Variants in MINDY3 observed in about 807,000 individuals in gnomAD.
The protein encoded by MINDY3 is ubiquitin carboxyl-terminal hydrolase MINDY-3.
A neutral mutation model predicts 69.2 loss-of-function variants in MINDY3; 38 were observed. The observed-to-expected ratio is 0.55, with a 90% CI of 0.42 to 0.72. MINDY3 has a LOEUF of 0.72. Among genes scored for constraint, MINDY3 ranks in the 30% least tolerant of loss-of-function variants. The pLI, the probability that MINDY3 is intolerant of heterozygous loss-of-function variation, is 0.00. For synonymous variants in MINDY3, 192 were observed against 180.1 expected (o/e 1.07, Z -0.53); for missense variants, 522 against 519.0 (o/e 1.01, Z -0.06).
At chr10:15,805,048 C>T (rs973830980) in intron 10 of MINDY3, among the ~76,000 whole-genome samples, 2 of 152,104 alleles carry the variant, frequency 1.3e-5, no homozygotes, top group African/African-American at 4.8e-5. Context: ...GTGGAAATAA[C>T]GCAGTGGGAG....
intron 10 of MINDY3, among the ~76,000 whole-genome samples, chr10:15,800,891 G>A (rs535114859): frequency 6.6e-6 from 1 of 152,220 alleles, no homozygotes; most frequent in South Asian, 2.1e-4. Context: ...TATAGGAAAG[G>A]CACACCTTTA....
chr10:15,781,955 A>T (rs1450478302), intron 14 of MINDY3, among the ~76,000 whole-genome samples, 200 bp downstream of exon 14: 1 of 152,148 alleles, frequency 6.6e-6, no homozygotes, highest in Non-Finnish European at 1.5e-5. Flanking sequence ...ACTGCTCTGA[A>T]GTCCAATGTC....
chr10:15,826,593 T>G (rs770516512), intron 8 of MINDY3, among the ~76,000 whole-genome samples: 2 of 152,128 alleles, frequency 1.3e-5, no homozygotes, highest in Non-Finnish European at 2.9e-5. Context: ...AAAGTTCAAC[T>G]GGAATAGATA....
chr10:15,827,308 G>A lies in MINDY3; in HGVS notation c.731-5582C>T, dbSNP rs1039087962. Among the ~76,000 whole-genome samples, 8 of 151,988 alleles carry A rather than the reference G, an allele frequency of 5.3e-5. No individual in the cohort carries two copies. The East Asian group carries it at 9.7e-4, about 18-fold the overall frequency. ...TGTAATCTCAGCACTTTGGAAGGCC[G>A]AGGTTGACGGATCACCTGAGGTTGG... On this transcript the variant is annotated intron_variant, in intron 8 of 14. Transcript: ENST00000277632.
At chr10:15,782,467 G>C (rs1466443298) in intron 13 of MINDY3, 2 of 409,700 alleles carry the variant, frequency 4.9e-6, no homozygotes, top group African/African-American at 2.1e-5. Context: ...AAGCTCTTCA[G>C]AACTAACTTA....
At chr10:15,842,837 C>A (rs1035866838) in intron 3 of MINDY3, among the ~76,000 whole-genome samples, 8 of 142,668 alleles carry the variant, frequency 5.6e-5, no homozygotes, top group Non-Finnish European at 1.5e-5. Flanking sequence ...TTGTGTAAGG[C>A]ATTATACTAA....
chr10:15,835,990 C>T (rs1833055179), intron 6 of MINDY3, among the ~76,000 whole-genome samples: 1 of 152,064 alleles, frequency 6.6e-6, no homozygotes, highest in Non-Finnish European at 1.5e-5. Context: ...ACAAAAAGAT[C>T]TTGTCACTCC....
At chr10:15,816,003 C>T (rs1038867212) in intron 10 of MINDY3, among the ~76,000 whole-genome samples, 11 of 151,958 alleles carry the variant, frequency 7.2e-5, no homozygotes, top group Non-Finnish European at 1.5e-4. Context: ...CAGTGGCTCA[C>T]GCCTGTGATC....
chr10:15,828,025 A>G (rs540520525), intron 8 of MINDY3, among the ~76,000 whole-genome samples: 39 of 152,348 alleles, frequency 2.6e-4, no homozygotes, highest in African/African-American at 9.1e-4. Flanking sequence ...AAAATTTAAC[A>G]GATGTTCCTC....
chr10:15,796,979 C>T (rs1404977686), intron 10 of MINDY3, among the ~76,000 whole-genome samples: 1 of 152,074 alleles, frequency 6.6e-6, no homozygotes, highest in Non-Finnish European at 1.5e-5. Context: ...ATGGTGTTTA[C>T]TCAGACAAAC....
At chr10:15,790,750 T>C (rs1325307220) in intron 11 of MINDY3, among the ~76,000 whole-genome samples, 2 of 152,166 alleles carry the variant, frequency 1.3e-5, no homozygotes. Context: ...ATATAATGGC[T>C]GAACATCCCT....
At chr10:15,847,373 C>T (rs7923528) in intron 2 of MINDY3, among the ~76,000 whole-genome samples, 49,092 of 152,050 alleles carry the variant, frequency 0.32, 9,148 homozygotes, top group African/African-American at 0.52. Flanking sequence ...TCAGTTGTTA[C>T]GAATTTTATT....
rs560107698 is a variant in MINDY3, at chr10:15,816,298, A to T, written c.882+537T>A. 2.0e-3 allele frequency among the ~76,000 whole-genome samples: 300 copies of T among 151,424 alleles called. 1 individual carries two copies. The highest frequency in any genetic ancestry group is 3.4e-3 in the Non-Finnish European group (232 of 67,866). ...AAAAAAAATGAAAAAGAAAAAAAAT[A>T]AAAAAGACAAGAAAAGAAATATTCA... On this transcript the variant is annotated intron_variant, in intron 10 of 14. Transcript: ENST00000277632.
At chr10:15,812,217 A>T (rs112888085) in intron 10 of MINDY3, among the ~76,000 whole-genome samples, 51 of 152,320 alleles carry the variant, frequency 3.3e-4, no homozygotes, top group African/African-American at 1.2e-3. Context: ...TTAGGATTAC[A>T]GGCATGAGCC....
chr10:15,779,952 CT>C (rs1222169148), intron 14 of MINDY3, among the ~76,000 whole-genome samples: 1 of 152,186 alleles, frequency 6.6e-6, no homozygotes, highest in Non-Finnish European at 1.5e-5. Context: ...CAAGGGCTCA[CT>C]GTGGACATTA....
chr10:15,851,556 A>G (rs1834299154), intron 1 of MINDY3, among the ~76,000 whole-genome samples: 1 of 151,920 alleles, frequency 6.6e-6, no homozygotes, highest in Non-Finnish European at 1.5e-5. Context: ...TATAGGTTTC[A>G]CCCTAAGATA....
chr10:15,809,727 C>T (rs1410061402), intron 10 of MINDY3, among the ~76,000 whole-genome samples: 1 of 152,048 alleles, frequency 6.6e-6, no homozygotes, highest in Non-Finnish European at 1.5e-5. Context: ...GTGATATTCT[C>T]CCTCAGTAGT....
chr10:15,810,685 G>A (rs1260710455), intron 10 of MINDY3, among the ~76,000 whole-genome samples: 1 of 152,110 alleles, frequency 6.6e-6, no homozygotes, highest in Non-Finnish European at 1.5e-5. Flanking sequence ...CCTACACTAT[G>A]CCTGGCACTG....
chr10:15,819,927 T>C (rs1328976542), intron 9 of MINDY3, among the ~76,000 whole-genome samples: 18 of 152,154 alleles, frequency 1.2e-4, no homozygotes, highest in Admixed American at 1.2e-3. Flanking sequence ...AAGTAAAGCC[T>C]ACATCTAGAA....
Sources: allele counts gnomAD v4.1 joint callset (sites outside exome capture counted in the v4.1 genomes callset), GRCh38; gene constraint gnomAD v4.1.1; transcripts MANE v1.5; gene names NCBI Gene and HGNC (gene_info 2026-07-23, HGNC 2026-07-21).